Variants in DYNC1H1 observed in about 807,000 individuals in gnomAD.
DYNC1H1 encodes cytoplasmic dynein 1 heavy chain 1.
DYNC1H1 carries 51 observed loss-of-function variants against 527.1 expected under a neutral mutation model. That is an observed-to-expected ratio of 0.10 (90% CI 0.08 to 0.12). The LOEUF is 0.12. Ranked by LOEUF, DYNC1H1 falls within the 10% of genes least tolerant of loss-of-function variation. The probability of loss-of-function intolerance (pLI) is 1.00; values close to 1 mark genes in which losing one functional copy is unlikely to be tolerated. For missense variants in DYNC1H1, 2,771 were observed against 5,971.8 expected (o/e 0.46, Z 17.66); for synonymous variants, 2,189 against 2,278.8 (o/e 0.96, Z 1.12).
At position 101,986,841 on chromosome 14, in the gene DYNC1H1, T is replaced by C; in HGVS notation, c.2538+78T>C. ...TAGCGAGCTCAGTTAAAACACTAGT[T>C]CTCCCGAAGAAGGCATGCATGGTTG... On this transcript the variant is annotated intron_variant, in intron 8 of 77. Transcript: ENST00000360184. This position sits in a 1 kb window ranked among gnomAD's most constrained non-coding sequence, Gnocchi z 8.7. 6.5e-7 allele frequency: 1 copy of C among 1,531,384 alleles called. No homozygotes were observed. Among genetic ancestry groups the C allele is most frequent in the Non-Finnish European group, 9.0e-7 (1 of 1,107,454 alleles). 94.9% of individuals were successfully genotyped at this position (1,531,384 alleles called of 1,614,324 possible).
At chr14:101,970,349 CAA>C (rs1432509325) in intron 1 of DYNC1H1, among the ~76,000 whole-genome samples, 3 of 148,160 alleles carry the variant, frequency 2.0e-5, no homozygotes, top group Non-Finnish European at 4.4e-5. Flanking sequence ...ATGCAGGTGA[CAA>C]GAGAAAGCGC....
Position 102,034,310 on chromosome 14 carries a change from G to A in DYNC1H1, c.10627-15G>A, listed in dbSNP as rs767876392. On this transcript the variant is annotated splice_polypyrimidine_tract_variant and intron_variant, in intron 55 of 77. Transcript: ENST00000360184. ...GGCTGTGAAGAGGAGGAAAGGTAAC[G>A]GCCTTGCCTTTCAGTTCCGTACAGA... 45 of 1,614,214 alleles carry A rather than the reference G, an allele frequency of 2.8e-5. 1 individual carries two copies. Among genetic ancestry groups the A allele is most frequent in the Middle Eastern group, 3.3e-4 (2 of 6,060 alleles).
In DYNC1H1 at chr14:102,026,713, C is replaced by A. The variant is rs756924858; in HGVS notation, c.8771+6C>A. ...CACGTGCTGAGGATTGACAGGTGGG[C>A]TTTTTTGTTGTTACAGCCCCACCTC... is the stretch of plus-strand genomic sequence containing the variant. On this transcript the variant is annotated splice_donor_region_variant and intron_variant, in intron 44 of 77. Coordinates refer to ENST00000360184, the MANE Select transcript of DYNC1H1 (RefSeq NM_001376.5). 1.2e-6 allele frequency: 2 copies of A among 1,613,688 alleles called. No homozygotes were observed. The highest frequency in any genetic ancestry group is 1.7e-6 in the Non-Finnish European group (2 of 1,179,834).
Position 102,050,960 on chromosome 14 carries a change from C to G in DYNC1H1, c.*397C>G. The G allele has an allele frequency of 3.2e-6, 1 of 310,926 alleles. No homozygotes were observed. The highest frequency in any genetic ancestry group is 6.2e-6 in the Non-Finnish European group (1 of 161,164). The allele number at this position is 310,926 out of a possible 1,614,324, so 19.3% of individuals were successfully genotyped here. On this transcript the variant is annotated 3_prime_UTR_variant, in exon 78 of 78. Transcript: ENST00000360184. ...ACTCATGAATGAAGACCTTGGGGCC[C>G]TTCACAGACACAGATGCAGCCAGCT...
chr14:102,009,334 T>A, intron 29 of DYNC1H1: 1 of 161,030 alleles, frequency 6.2e-6, no homozygotes, highest in Non-Finnish European at 1.4e-5. Context: ...ACAAAAGGAG[T>A]GTGGAGGAAA....
At chr14:101,982,667 C>A (rs2047881879) in intron 5 of DYNC1H1, among the ~76,000 whole-genome samples, 1 of 147,682 alleles carries the variant, frequency 6.8e-6, no homozygotes, top group Non-Finnish European at 1.5e-5. Context: ...ACCCACCCCC[C>A]CACCACCCCC....
In DYNC1H1 at chr14:102,033,421, A is replaced by G. The variant is rs2048533024; in HGVS notation, c.10350A>G (p.Glu3450=). ...CCAGCATCGCCCGCTACAAGGAGGA[A>G]TACGCCGTCCTGATCTCAGAGGCCC... ...LEASIARYKE[E]YAVLISEAQA... is the part of the protein sequence containing the mutation. Residue 3450 remains glutamate (E), a synonymous_variant, in exon 54 of 78, where the codon GAA becomes GAG. Coordinates refer to ENST00000360184, the MANE Select transcript of DYNC1H1 (RefSeq NM_001376.5). The surrounding 1 kb of genome is among the most constrained non-coding windows in gnomAD (Gnocchi z 5.6). 6.2e-7 allele frequency: 1 copy of G among 1,614,212 alleles called. No homozygotes were observed. Among genetic ancestry groups the G allele is most frequent in the Non-Finnish European group, 8.5e-7 (1 of 1,180,038 alleles).
At chr14:101,998,879 C>CTTTTTTTTTTTTTTTTTTTTTTT (rs888317854) in intron 16 of DYNC1H1, among the ~76,000 whole-genome samples, 2 of 115,218 alleles carry the variant, frequency 1.7e-5, no homozygotes, top group African/African-American at 7.5e-5. Flanking sequence ...AAAACTTTTT[C>CTTTTTTTTTTTTTTTTTTTTTTT]TTTTTTTTTT....
chr14:102,010,855 A>G lies in DYNC1H1; in HGVS notation c.6521A>G (p.Glu2174Gly). 6.2e-7 allele frequency: 1 copy of G among 1,614,250 alleles called. No individual in the cohort carries two copies. Among genetic ancestry groups the G allele is most frequent in the Non-Finnish European group, 8.5e-7 (1 of 1,180,046 alleles). The part of the protein sequence containing the change: ...VFPGVQYHRG[E>G]MTALREELKK... Reference sequence around the variant, plus strand: ...CCTGGAGTCCAGTATCACAGGGGTGAGATGACTGCCCTTCGAGAGGAGCTG... The same window carrying G: ...CCTGGAGTCCAGTATCACAGGGGTGGGATGACTGCCCTTCGAGAGGAGCTG... Residue 2174 changes from glutamate (E) to glycine (G), a missense_variant, in exon 32 of 78, where the codon GAG (glutamate) becomes GGG (glycine). Glu to Gly is a moderately conservative substitution (Grantham distance 98, BLOSUM62 -2). Coordinates refer to ENST00000360184, the MANE Select transcript of DYNC1H1 (RefSeq NM_001376.5). This position sits in a 1 kb window ranked among gnomAD's most constrained non-coding sequence, Gnocchi z 6.0.
chr14:102,009,715 C>T lies in DYNC1H1; in HGVS notation c.5978-128C>T, dbSNP rs79075471. 48,219 of 1,469,704 alleles carry T rather than the reference C, an allele frequency of 0.033. 1,840 individuals carry two copies. The highest frequency in any genetic ancestry group is 0.23 in the East Asian group (9,394 of 41,062). The allele number at this position is 1,469,704 out of a possible 1,614,324, so 91.0% of individuals were successfully genotyped here. A position where few individuals can be genotyped will look rare whatever the true frequency, so the allele number is the denominator to read the frequency against. ...CGAAGAAAGGCCAAAGAGCAGCCCC[C>T]GAGGAAGCGTCTACTTCAGCTCCCT... On this transcript the variant is annotated intron_variant, in intron 29 of 77. Transcript: ENST00000360184.
At position 102,040,585 on chromosome 14, in the gene DYNC1H1, A is replaced by G. The variant is rs767497928; in HGVS notation, c.11866-13A>G. On this transcript the variant is annotated splice_polypyrimidine_tract_variant and intron_variant, in intron 63 of 77. Transcript: ENST00000360184. ...GCCCTGCTCCATGGGTGCTTCCACT[A>G]TTGTCTCCACAGCAATTTGGCATCT... The G allele has an allele frequency of 1.3e-5, 21 of 1,613,950 alleles. No homozygotes were observed. The highest frequency in any genetic ancestry group is 1.8e-5 in the Non-Finnish European group (21 of 1,180,022).
intron 56 of DYNC1H1, chr14:102,034,924 T>TAA: frequency 6.0e-6 from 1 of 167,172 alleles, no homozygotes; most frequent in Non-Finnish European, 1.1e-5. Context: ...AGAATCCATC[T>TAA]CAAAAAAAAA....
In DYNC1H1 at chr14:101,997,179, G is replaced by T; in HGVS notation, c.3709G>T (p.Ala1237Ser). The change falls in exon 16 of 78, where the codon GCA (alanine) becomes TCA (serine). Residue 1237 changes from alanine to serine, a missense_variant. By Grantham distance (99) the Ala-to-Ser change is moderately conservative. Coordinates refer to ENST00000360184, the MANE Select transcript of DYNC1H1 (RefSeq NM_001376.5). This position sits in a 1 kb window ranked among gnomAD's most constrained non-coding sequence, Gnocchi z 4.8. ...RKDSAIQQQV[A>S]NLQMKIVQED... ...GGACTCTGCCATTCAGCAGCAGGTG[G>T]CAAACCTGCAAATGAAGATTGTCCA... The T allele has an allele frequency of 1.2e-6, 2 of 1,614,086 alleles. No individual in the cohort carries two copies. The highest frequency in any genetic ancestry group is 1.7e-6 in the Non-Finnish European group (2 of 1,180,030).
intron 1 of DYNC1H1, among the ~76,000 whole-genome samples, chr14:101,968,423 G>C (rs938792315): frequency 6.6e-6 from 1 of 152,000 alleles, no homozygotes; most frequent in African/African-American, 2.4e-5. Context: ...TAATAGAGAG[G>C]AGGTCTCACC....
chr14:101,975,744 G>T lies in DYNC1H1; in HGVS notation c.289G>T (p.Glu97Ter). 6.2e-7 allele frequency: 1 copy of T among 1,613,622 alleles called. No homozygotes were observed. The highest frequency in any genetic ancestry group is 8.5e-7 in the Non-Finnish European group (1 of 1,179,712). Residue 97 changes from glutamate to a stop codon, truncating the protein, a stop_gained, in exon 2 of 78, where the codon GAA becomes TAA. Transcript: ENST00000360184. LOFTEE classifies it high-confidence loss of function. ...CGGTGATGAAGGAGAAGAAGAAAAA[G>T]AATTCATTTCCTATAACATCAACAT... ...DVGDEGEEEK[E>*]FISYNINIDI...
Position 101,986,316 on chromosome 14 carries a change from G to A in DYNC1H1, c.2091G>A (p.Glu697=). The change falls in exon 8 of 78, where the codon GAG becomes GAA. Residue 697 remains glutamate (E), a synonymous_variant. Coordinates refer to ENST00000360184, the MANE Select transcript of DYNC1H1 (RefSeq NM_001376.5). This position sits in a 1 kb window ranked among gnomAD's most constrained non-coding sequence, Gnocchi z 8.7. Reference sequence around the variant, plus strand: ...TCCGCATGAAGCTCAACACGCAGGAGATCTTTGATGACTGGGCAAGGAAGG... The same window carrying A: ...TCCGCATGAAGCTCAACACGCAGGAAATCTTTGATGACTGGGCAAGGAAGG... ...DSFRMKLNTQ[E]IFDDWARKVQ... 6.2e-7 allele frequency: 1 copy of A among 1,614,080 alleles called. No homozygotes were observed. Among genetic ancestry groups the A allele is most frequent in the Non-Finnish European group, 8.5e-7 (1 of 1,179,986 alleles).
intron 23 of DYNC1H1, among the ~76,000 whole-genome samples, chr14:102,003,669 C>T (rs958953781): frequency 2.6e-5 from 4 of 152,296 alleles, no homozygotes; most frequent in Admixed American, 2.6e-4. Flanking sequence ...GTGGCTCACG[C>T]CTGTAATCCC....
chr14:102,044,951 G>A lies in DYNC1H1; in HGVS notation c.13006+253G>A, dbSNP rs569305121. The A allele has an allele frequency of 5.4e-6, 3 of 559,460 alleles. No homozygotes were observed. 34.7% of individuals were successfully genotyped at this position (559,460 alleles called of 1,614,324 possible). A position where few individuals can be genotyped will look rare whatever the true frequency, so the allele number is the denominator to read the frequency against. On this transcript the variant is annotated intron_variant, in intron 72 of 77. Transcript: ENST00000360184. This position sits in a 1 kb window ranked among gnomAD's most constrained non-coding sequence, Gnocchi z 7.1. ...GCATCAACTCAGTTCTAGAGAAAAGGCTTGATATTTATGTAAATGAGCCTA... is the reference window on the plus strand; with the variant it reads ...GCATCAACTCAGTTCTAGAGAAAAGACTTGATATTTATGTAAATGAGCCTA...
rs375161806 is a variant in DYNC1H1 at position 102,016,758 on chromosome 14, G to A, written c.7615-8G>A. ...CAGCCGGACTCACACTTCCATCTCCGTGTGTAGGTGTCCATCAGCGGAGAA... is the reference window on the plus strand; with the variant it reads ...CAGCCGGACTCACACTTCCATCTCCATGTGTAGGTGTCCATCAGCGGAGAA... On this transcript the variant is annotated splice_region_variant and splice_polypyrimidine_tract_variant and intron_variant, in intron 37 of 77. Transcript: ENST00000360184. This position sits in a 1 kb window ranked among gnomAD's most constrained non-coding sequence, Gnocchi z 7.3. The A allele has an allele frequency of 2.4e-5, 39 of 1,612,886 alleles. No individual in the cohort carries two copies. The highest frequency in any genetic ancestry group is 1.7e-4 in the Middle Eastern group (1 of 6,034).
Sources: gnomAD v4.1 joint callset for allele counts (sites outside exome capture counted in the v4.1 genomes callset) on GRCh38, gnomAD v4.1.1 for gene constraint, Gnocchi (gnomAD v3.1) non-coding constraint, MANE v1.5 for transcripts, NCBI Gene and HGNC (gene_info 2026-07-23, HGNC 2026-07-21) for gene names.